MCM3AP: variants seen among roughly 807,000 people sequenced by gnomAD.
The protein encoded by MCM3AP is germinal-center associated nuclear protein.
In MCM3AP, 126 loss-of-function variants were observed where a neutral mutation model predicts 184.1. The observed-to-expected ratio is 0.68, with a 90% CI of 0.59 to 0.79. The LOEUF (loss-of-function observed/expected upper bound fraction) is 0.79, where lower values mean the gene tolerates loss of function less well. Among genes scored for constraint, MCM3AP ranks in the 30% least tolerant of loss-of-function variants. The pLI, the probability that MCM3AP is intolerant of heterozygous loss-of-function variation, is 0.00. For missense variants in MCM3AP, 2,496 were observed against 2,479.2 expected, an observed-to-expected ratio of 1.01 and a Z score of -0.14; for synonymous variants, 1,002 against 979.3, an observed-to-expected ratio of 1.02 and a Z score of -0.43.
intron 9 of MCM3AP, among the ~76,000 whole-genome samples, chr21:46,269,252 T>A (rs2081150596): frequency 6.6e-6 from 1 of 151,964 alleles, no homozygotes; most frequent in Non-Finnish European, 1.5e-5. Context: ...TAGCTGGGAC[T>A]ACAGGAGCAT....
intron 4 of MCM3AP, among the ~76,000 whole-genome samples, chr21:46,278,068 T>C (rs1237197593): frequency 6.6e-6 from 1 of 152,038 alleles, no homozygotes; most frequent in Non-Finnish European, 1.5e-5. Flanking sequence ...AGAGGATTGC[T>C]TGAGCCTGGC....
At position 46,235,255 on chromosome 21, in the gene MCM3AP, C is replaced by T. The variant is rs1317207999; in HGVS notation, c.*13G>A. On this transcript the variant is annotated 3_prime_UTR_variant, in exon 28 of 28. Coordinates refer to ENST00000291688, the MANE Select transcript of MCM3AP (RefSeq NM_003906.5). Reference sequence around the variant, plus strand: ...CTCTTCGGGAGAGACCCCCTCCCCACAGGTCAGGCTGCTCAAATGTCCACC... The same window carrying T: ...CTCTTCGGGAGAGACCCCCTCCCCATAGGTCAGGCTGCTCAAATGTCCACC... 6.2e-6 allele frequency: 10 copies of T among 1,613,494 alleles called. No homozygotes were observed. Among genetic ancestry groups the T allele is most frequent in the South Asian group, 1.1e-5 (1 of 91,032 alleles).
chr21:46,254,903 A>G (rs956356317), intron 17 of MCM3AP, 59 bp from the exon 18 acceptor site: 12 of 1,262,134 alleles, frequency 9.5e-6, no homozygotes, highest in Non-Finnish European at 1.3e-5. Context: ...AGTACTGGCT[A>G]GTGTCCCCTG....
At position 46,259,077 on chromosome 21, in the gene MCM3AP, G is replaced by A. The variant is rs2081000820; in HGVS notation, c.3596C>T (p.Thr1199Ile). 4 of 1,611,872 alleles carry A rather than the reference G, an allele frequency of 2.5e-6. No individual in the cohort carries two copies. Among genetic ancestry groups the A allele is most frequent in the Non-Finnish European group, 1.7e-6 (2 of 1,179,100 alleles). The change falls in exon 16 of 28, where the codon ACA becomes ATA. Residue 1199 changes from threonine to isoleucine, a missense_variant. By Grantham distance (89) the Thr-to-Ile change is moderately conservative. This residue lies in a region of MCM3AP where 1,323 missense variants were observed against 1,273.4 expected (regional missense o/e 1.04). Coordinates refer to ENST00000291688, the MANE Select transcript of MCM3AP (RefSeq NM_003906.5). ...CSQELKNAVE[T>I]DQRVRVARCC... ...ACGGGCCACACGGACCCTCTGGTCT[G>A]TCTCTACTGCATTCCTAGAAACAGG...
intron 25 of MCM3AP, 168 bp downstream of exon 25, chr21:46,242,634 T>A: frequency 1.8e-6 from 1 of 561,916 alleles, no homozygotes; most frequent in Non-Finnish European, 3.0e-6. Context: ...ATGCTTTAAC[T>A]TTGTTCTAGA....
intron 16 of MCM3AP, 66 bp downstream of exon 16, chr21:46,258,873 T>C (rs1262358554): frequency 3.8e-6 from 6 of 1,560,770 alleles, no homozygotes; most frequent in Non-Finnish European, 5.3e-6. Context: ...AGCTCATATA[T>C]TTTGAATTTG....
intron 20 of MCM3AP, 31 bp from the exon 21 acceptor site, chr21:46,246,917 T>C (rs753813307): frequency 8.1e-6 from 13 of 1,608,558 alleles, no homozygotes; most frequent in South Asian, 1.1e-5. Context: ...TCAGGAGAGA[T>C]GCACCATGGG....
At position 46,277,600 on chromosome 21, in the gene MCM3AP, C is replaced by G; in HGVS notation, c.1785G>C (p.Leu595=). The G allele has an allele frequency of 6.2e-7, 1 of 1,611,716 alleles. No individual in the cohort carries two copies. The highest frequency in any genetic ancestry group is 2.2e-5 in the East Asian group (1 of 44,682). ...TGGATGTCTCAGCCACAGTGCCTATCAGGGTACTGAGGGAGAGCACACATG... is the reference window on the plus strand; with the variant it reads ...TGGATGTCTCAGCCACAGTGCCTATGAGGGTACTGAGGGAGAGCACACATG... The part of the protein sequence containing the change: ...LGPCVLSLST[L]IGTVAETSKE... The change falls in exon 5 of 28, where the codon CTG becomes CTC. Residue 595 remains leucine, a synonymous_variant. Transcript: ENST00000291688.
rs776810568 is a variant in MCM3AP, at chr21:46,256,874, C to T, written c.3847G>A (p.Ala1283Thr). The part of the protein sequence containing the change: ...SDRLRALAPS[A>T]ECPIAEENLA... ...TTCTCTTCAGCAATGGGGCACTCTGCGCTGGGCGCCAGCGCCCTCAGCCGG... is the reference window on the plus strand; with the variant it reads ...TTCTCTTCAGCAATGGGGCACTCTGTGCTGGGCGCCAGCGCCCTCAGCCGG... The change falls in exon 17 of 28, where the codon GCA becomes ACA. Residue 1283 changes from alanine to threonine, a missense_variant. Physicochemically the swap from Ala to Thr is moderately conservative, Grantham distance 58. Transcript: ENST00000291688. 3.0e-5 allele frequency: 48 copies of T among 1,592,622 alleles called. No individual in the cohort carries two copies. Among genetic ancestry groups the T allele is most frequent in the Admixed American group, 5.3e-5 (3 of 56,292 alleles).
rs764747807 is a variant in MCM3AP, at chr21:46,284,268, C to G, written c.1019G>C (p.Arg340Pro). The change falls in exon 1 of 28, where the codon CGG becomes CCG. Residue 340 changes from arginine to proline, a missense_variant. Arg to Pro is a moderately radical substitution (Grantham distance 103, BLOSUM62 -2). Coordinates refer to ENST00000291688, the MANE Select transcript of MCM3AP (RefSeq NM_003906.5). Reference sequence around the variant, plus strand: ...GCTTTTGAAAACATCCTGTATCGTCCGACCAAATAAAGTACCTCCCCGGGG... The same window carrying G: ...GCTTTTGAAAACATCCTGTATCGTCGGACCAAATAAAGTACCTCCCCGGGG... The part of the protein sequence containing the change: ...NRPRGGTLFG[R>P]TIQDVFKSNK... 1 of 1,614,018 alleles carries G rather than the reference C, an allele frequency of 6.2e-7. No individual in the cohort carries two copies. The highest frequency in any genetic ancestry group is 8.5e-7 in the Non-Finnish European group (1 of 1,180,038).
At chr21:46,253,118 GACA>G (rs1408795099) in intron 19 of MCM3AP, 1 of 146,242 alleles carries the variant, frequency 6.8e-6, no homozygotes, top group African/African-American at 2.6e-5. Flanking sequence ...TAGCCTGGGT[GACA>G]ACAAAGCAAG....
At chr21:46,237,441 G>GCTAGGCATCATTCTAGGTACAAGGAATA (rs1340171549) in intron 26 of MCM3AP, among the ~76,000 whole-genome samples, 3 of 54,360 alleles carry the variant, frequency 5.5e-5, no homozygotes, top group Admixed American at 2.2e-4. Flanking sequence ...GTCTCGCTCT[G>GCTAGGCATCATTCTAGGTACAAGGAATA]TTGGCCAGGC....
rs1041441152 is a variant in MCM3AP at position 46,285,448 on chromosome 21, A to G, written c.-162T>C. On this transcript the variant is annotated 5_prime_UTR_variant, in exon 1 of 28. Coordinates refer to ENST00000291688, the MANE Select transcript of MCM3AP (RefSeq NM_003906.5). ...GCTATGTTCTGCTACAAGTCTAAGA[A>G]AAGAATTTTTGAACACTGTCATACT... is the stretch of plus-strand genomic sequence containing the variant. 1.7e-6 allele frequency: 1 copy of G among 605,612 alleles called. No homozygotes were observed. The highest frequency in any genetic ancestry group is 2.9e-6 in the Non-Finnish European group (1 of 342,546). The allele number at this position is 605,612 out of a possible 1,614,324, so 37.5% of individuals were successfully genotyped here.
chr21:46,263,709 G>A (rs1451361306), intron 13 of MCM3AP, among the ~76,000 whole-genome samples: 1 of 143,412 alleles, frequency 7.0e-6, no homozygotes, highest in African/African-American at 2.6e-5. Flanking sequence ...GAACCCAGGA[G>A]GTGGAGGTTA....
At chr21:46,277,900 T>A (rs930712166) in intron 4 of MCM3AP, among the ~76,000 whole-genome samples, 183 bp from the exon 5 acceptor site, 7 of 152,198 alleles carry the variant, frequency 4.6e-5, no homozygotes, top group African/African-American at 9.6e-5. Context: ...TTATTCACAT[T>A]ACTCACTGAC....
upstream of MCM3AP, chr21:46,285,636 T>C (rs2081409694): frequency 1.5e-5 from 3 of 197,968 alleles, no homozygotes. Flanking sequence ...CCGAATCTTT[T>C]TACTGAGTTA....
rs1905230933 is a variant in MCM3AP, at chr21:46,275,241, A to G, written c.1943T>C (p.Met648Thr). ...LDMCPEKERY[M>T]RETRSQLSVF... The stretch of plus-strand genomic sequence containing the variant: ...GCTCAGCTGGCTACGGGTCTCCCGC[A>G]TGTACCTCTCCTTCTCAGGACACAT... Residue 648 changes from methionine to threonine, a missense_variant, in exon 6 of 28, where the codon ATG becomes ACG. Met to Thr is a moderately conservative substitution (Grantham distance 81, BLOSUM62 -1). Coordinates refer to ENST00000291688, the MANE Select transcript of MCM3AP (RefSeq NM_003906.5). The G allele has an allele frequency of 6.2e-7, 1 of 1,614,000 alleles. No homozygotes were observed. Among genetic ancestry groups the G allele is most frequent in the African/African-American group, 1.3e-5 (1 of 74,924 alleles).
In MCM3AP at chr21:46,272,550, T is replaced by A. The variant is rs1019694881; in HGVS notation, c.2465+11A>T. On this transcript the variant is annotated intron_variant, in intron 8 of 27. Coordinates refer to ENST00000291688, the MANE Select transcript of MCM3AP (RefSeq NM_003906.5). ...GCCACCTTAGGACAACTTTTGGATG[T>A]GAAAATTCACCTTAGGATGTCTCCC... 2 of 1,609,642 alleles carry A rather than the reference T, an allele frequency of 1.2e-6. No individual in the cohort carries two copies. Among genetic ancestry groups the A allele is most frequent in the African/African-American group, 1.3e-5 (1 of 74,898 alleles).
chr21:46,273,634 C>T lies in MCM3AP; in HGVS notation c.1999-49G>A, dbSNP rs952585992. ...GATGCCCATGTGGCATACCTTGGGC[C>T]AGGCATAGTTATGCCTGAAAATGAG... On this transcript the variant is annotated intron_variant, in intron 6 of 27. Coordinates refer to ENST00000291688, the MANE Select transcript of MCM3AP (RefSeq NM_003906.5). The T allele has an allele frequency of 2.7e-6, 4 of 1,503,282 alleles. No homozygotes were observed. The South Asian group carries it at 4.5e-5, about 17-fold the overall frequency. The allele number at this position is 1,503,282 out of a possible 1,614,324, so 93.1% of individuals were successfully genotyped here.
Sources: gnomAD v4.1 joint callset for allele counts (sites outside exome capture counted in the v4.1 genomes callset) on GRCh38, gnomAD v4.1.1 for gene constraint, gnomAD v4.1.1 regional missense constraint, MANE v1.5 for transcripts, NCBI Gene and HGNC (gene_info 2026-07-23, HGNC 2026-07-21) for gene names.